Variants in GRB2 observed in about 807,000 individuals in gnomAD.
GRB2 encodes growth factor receptor-bound protein 2.
Under a neutral mutation model 27.4 loss-of-function variants are expected in GRB2, and 2 were observed. That is an observed-to-expected ratio of 0.07 (90% CI 0.03 to 0.23). GRB2 has a LOEUF of 0.23. Ranked by LOEUF, GRB2 falls within the 10% of genes least tolerant of loss-of-function variation. The pLI is 1.00. For missense variants in GRB2, 102 were observed against 282.4 expected (o/e 0.36, Z 4.58); for synonymous variants, 94 against 99.6 (o/e 0.94, Z 0.33).
chr17:75,350,408 G>C (rs938870136), intron 2 of GRB2, among the ~76,000 whole-genome samples: 1 of 152,210 alleles, frequency 6.6e-6, no homozygotes, highest in African/African-American at 2.4e-5. Context: ...TATGAGTCCA[G>C]AGTGCTCTGT....
chr17:75,331,007 C>CACAAACAA (rs61764607), intron 3 of GRB2, among the ~76,000 whole-genome samples: 3,223 of 151,984 alleles, frequency 0.021, 121 homozygotes, highest in African/African-American at 0.073. Context: ...TCCCCACCCC[C>CACAAACAA]ACAAACAAAC....
chr17:75,385,057 A>C (rs1567874300), intron 2 of GRB2, among the ~76,000 whole-genome samples: 7 of 72,206 alleles, frequency 9.7e-5, no homozygotes, highest in Non-Finnish European at 2.0e-4. Context: ...AAAAAAAAAA[A>C]AGCAAACAAA....
intron 2 of GRB2, among the ~76,000 whole-genome samples, chr17:75,340,864 T>C (rs55681135): frequency 6.6e-6 from 1 of 151,862 alleles, no homozygotes; most frequent in African/African-American, 2.4e-5. Context: ...GATAAACGAT[T>C]AACAATTTTA....
At chr17:75,394,527 A>T (rs1443706445) in intron 1 of GRB2, among the ~76,000 whole-genome samples, 1 of 152,170 alleles carries the variant, frequency 6.6e-6, no homozygotes, top group African/African-American at 2.4e-5. Context: ...GCAGATCCCC[A>T]AGACTCTGGG....
chr17:75,324,752 GA>G (rs138262376), intron 4 of GRB2, among the ~76,000 whole-genome samples: 1 of 151,922 alleles, frequency 6.6e-6, no homozygotes, highest in East Asian at 1.9e-4. Flanking sequence ...TTTTGAAATG[GA>G]AAAGTCTCAC....
At chr17:75,325,464 C>G (rs1279981005) in intron 4 of GRB2, among the ~76,000 whole-genome samples, 1 of 152,196 alleles carries the variant, frequency 6.6e-6, no homozygotes, top group Non-Finnish European at 1.5e-5. Flanking sequence ...GCAAGCCCCA[C>G]ATCCCCTGCA....
At chr17:75,328,790 T>C (rs1238743557) in intron 3 of GRB2, among the ~76,000 whole-genome samples, 1 of 150,914 alleles carries the variant, frequency 6.6e-6, no homozygotes, top group East Asian at 2.0e-4. Flanking sequence ...TACAAAAAAT[T>C]AGCCAGGCGT....
At position 75,348,700 on chromosome 17, in the gene GRB2, G is replaced by T. The variant is rs186532105; in HGVS notation, c.79-15903C>A. On this transcript the variant is annotated intron_variant, in intron 2 of 5. Transcript: ENST00000316804. Reference sequence around the variant, plus strand: ...ATTTACTTTTCAGTTTTAGAGACAGGGTCTTACTCTGTTACCCAGGCTAGA... The same window carrying T: ...ATTTACTTTTCAGTTTTAGAGACAGTGTCTTACTCTGTTACCCAGGCTAGA... Among the ~76,000 whole-genome samples the T allele has an allele frequency of 3.2e-3, 489 of 152,214 alleles. 1 individual carries two copies. Among genetic ancestry groups the T allele is most frequent in the Non-Finnish European group, 5.5e-3 (376 of 67,986 alleles).
intron 2 of GRB2, among the ~76,000 whole-genome samples, chr17:75,387,073 A>G (rs148726978): frequency 9.2e-4 from 139 of 151,828 alleles, no homozygotes; most frequent in Middle Eastern, 3.4e-3. Flanking sequence ...AGGTAGGAGA[A>G]TGGCATGAAC....
chr17:75,357,830 A>C (rs1031975487), intron 2 of GRB2, among the ~76,000 whole-genome samples: 8 of 152,248 alleles, frequency 5.3e-5, no homozygotes, highest in Non-Finnish European at 1.2e-4. Flanking sequence ...CTGAGGCAGG[A>C]GAACCGCTTG....
intron 2 of GRB2, among the ~76,000 whole-genome samples, chr17:75,378,365 A>T (rs1348722737): frequency 6.6e-6 from 1 of 150,590 alleles, no homozygotes; most frequent in African/African-American, 2.5e-5. Context: ...CCTGGGCAAC[A>T]GAGTGAGACT....
intron 2 of GRB2, among the ~76,000 whole-genome samples, chr17:75,369,911 C>T (rs1042157493): frequency 9.2e-5 from 14 of 151,992 alleles, no homozygotes; most frequent in African/African-American, 3.4e-4. Flanking sequence ...CTTACTGACT[C>T]TGATGCAAAT....
Position 75,393,777 on chromosome 17 carries a change from G to T in GRB2, c.-137-12C>A. The T allele has an allele frequency of 1.6e-6, 1 of 644,718 alleles. No homozygotes were observed. The highest frequency in any genetic ancestry group is 2.7e-6 in the Non-Finnish European group (1 of 363,800). The allele number at this position is 644,718 out of a possible 1,614,324, so 39.9% of individuals were successfully genotyped here. On this transcript the variant is annotated splice_polypyrimidine_tract_variant and intron_variant, in intron 1 of 5. Transcript: ENST00000316804. ...CACACAATGCCACCCTGAAGCAGGAGAGGGACGATTAAGAGCAGTGGCCAG... is the reference window on the plus strand; with the variant it reads ...CACACAATGCCACCCTGAAGCAGGATAGGGACGATTAAGAGCAGTGGCCAG...
chr17:75,321,849 T>A (rs1455600055), intron 4 of GRB2, 22 bp from the exon 5 acceptor site: 1 of 1,611,322 alleles, frequency 6.2e-7, no homozygotes, highest in Non-Finnish European at 8.5e-7. Context: ...AGAAAGCACA[T>A]GTGACCGGCT....
intron 3 of GRB2, chr17:75,326,313 T>C: frequency 2.5e-6 from 1 of 400,586 alleles, no homozygotes; most frequent in South Asian, 2.4e-5. Context: ...CAAAGCCCAC[T>C]GGACTCCCTA....
intron 2 of GRB2, chr17:75,338,780 G>T (rs1330870952): frequency 1.1e-5 from 7 of 665,134 alleles, no homozygotes; most frequent in African/African-American, 7.2e-5. Flanking sequence ...TTACACAGAA[G>T]AATTAAAAAT....
At chr17:75,388,985 T>C (rs1318276835) in intron 2 of GRB2, among the ~76,000 whole-genome samples, 2 of 152,158 alleles carry the variant, frequency 1.3e-5, no homozygotes, top group Admixed American at 6.6e-5. Flanking sequence ...CCCTCCTTCA[T>C]TTCTAGTATC....
chr17:75,380,785 G>A (rs551438678), intron 2 of GRB2, among the ~76,000 whole-genome samples: 49 of 152,270 alleles, frequency 3.2e-4, no homozygotes, highest in African/African-American at 7.0e-4. Context: ...TAAAATGTGC[G>A]GCGGAAAAAC....
chr17:75,396,555 C>T (rs555811126), intron 1 of GRB2, among the ~76,000 whole-genome samples: 16 of 152,066 alleles, frequency 1.1e-4, no homozygotes, highest in African/African-American at 1.7e-4. Flanking sequence ...GCTCCAGTTT[C>T]GTCATCTGTA....
Sources: allele counts gnomAD v4.1 joint callset (sites outside exome capture counted in the v4.1 genomes callset), GRCh38; gene constraint gnomAD v4.1.1; transcripts MANE v1.5; gene names NCBI Gene and HGNC (gene_info 2026-07-23, HGNC 2026-07-21).